SLC24A2: variants seen among roughly 807,000 people sequenced by gnomAD.
SLC24A2 encodes solute carrier family 24 member 2, also known as sodium/potassium/calcium exchanger 2.
Under a neutral mutation model 62.0 loss-of-function variants are expected in SLC24A2, and 36 were observed. The observed-to-expected ratio is 0.58, with a 90% CI of 0.44 to 0.77. SLC24A2 has a LOEUF of 0.77. SLC24A2 is among the 30% of genes least tolerant of loss of function. The probability of loss-of-function intolerance (pLI) is 0.00; values close to 1 mark genes in which losing one functional copy is unlikely to be tolerated. For synonymous variants in SLC24A2, 358 were observed against 294.0 expected (o/e 1.22, Z -2.23); for missense variants, 846 against 817.9 (o/e 1.03, Z -0.42).
intron 4 of SLC24A2, among the ~76,000 whole-genome samples, chr9:19,604,350 C>T (rs1389039664): frequency 6.6e-6 from 1 of 152,116 alleles, no homozygotes; most frequent in South Asian, 2.1e-4. Flanking sequence ...GAGTCCTCAG[C>T]ACACAAAAGA....
chr9:19,541,974 TG>T, intron 8 of SLC24A2, among the ~76,000 whole-genome samples: 1 of 152,314 alleles, frequency 6.6e-6, no homozygotes, highest in East Asian at 1.9e-4. Context: ...ATTTTCCAGG[TG>T]CCGTCTGTCA....
chr9:20,146,672 G>A, the SLC24A2 span, among the ~76,000 whole-genome samples: 1 of 152,000 alleles, frequency 6.6e-6, no homozygotes, highest in Admixed American at 6.6e-5. Context: ...TAGCCACCCT[G>A]TGGGGCCTGC....
chr9:20,289,173 C>A, the SLC24A2 span, among the ~76,000 whole-genome samples: 1 of 152,164 alleles, frequency 6.6e-6, no homozygotes, highest in Non-Finnish European at 1.5e-5. Flanking sequence ...GTTTAGGGGG[C>A]AGTTTGTGAT....
chr9:20,111,357 T>C, the SLC24A2 span, among the ~76,000 whole-genome samples: 4 of 152,290 alleles, frequency 2.6e-5, no homozygotes, highest in East Asian at 7.7e-4. Context: ...GTGTTAACTG[T>C]TCTCTCTCCT....
At chr9:19,969,831 A>T in the SLC24A2 span, among the ~76,000 whole-genome samples, 4 of 152,180 alleles carry the variant, frequency 2.6e-5, no homozygotes, top group Non-Finnish European at 4.4e-5. Context: ...ACAAAATCCA[A>T]TTGTTGAGAA....
the SLC24A2 span, among the ~76,000 whole-genome samples, chr9:19,870,850 G>A: frequency 6.6e-6 from 1 of 151,974 alleles, no homozygotes; most frequent in East Asian, 1.9e-4. Context: ...TTTAAATTGG[G>A]TTATTTTTTC....
chr9:20,202,577 C>T, the SLC24A2 span, among the ~76,000 whole-genome samples: 10 of 151,992 alleles, frequency 6.6e-5, no homozygotes, highest in African/African-American at 2.4e-4. Context: ...GAGTTGCCTA[C>T]AAATAGAAAG....
At chr9:19,712,733 C>T (rs1820749837) in intron 2 of SLC24A2, among the ~76,000 whole-genome samples, 1 of 152,098 alleles carries the variant, frequency 6.6e-6, no homozygotes, top group South Asian at 2.1e-4. Context: ...TCTTCTTATC[C>T]TGGAATGCTC....
chr9:20,218,006 C>G, the SLC24A2 span, among the ~76,000 whole-genome samples: 431 of 152,298 alleles, frequency 2.8e-3, 3 homozygotes, highest in African/African-American at 1.0e-2. Flanking sequence ...TGGCTTTAAG[C>G]AAGTTATTTG....
chr9:20,014,517 T>TATATATATATATATATATATACAC, the SLC24A2 span, among the ~76,000 whole-genome samples: 10 of 148,384 alleles, frequency 6.7e-5, no homozygotes, highest in African/African-American at 2.2e-4. Flanking sequence ...TATATATATA[T>TATATATATATATATATATATACAC]ACACACACAC....
chr9:20,113,584 C>A, the SLC24A2 span, among the ~76,000 whole-genome samples: 1 of 152,020 alleles, frequency 6.6e-6, no homozygotes, highest in South Asian at 2.1e-4. Flanking sequence ...TATAATTATT[C>A]TATATTGGTT....
At chr9:20,286,785 G>T in the SLC24A2 span, among the ~76,000 whole-genome samples, 1 of 152,178 alleles carries the variant, frequency 6.6e-6, no homozygotes, top group Non-Finnish European at 1.5e-5. Flanking sequence ...CACAAAACAG[G>T]ACTCTCCTGA....
intron 4 of SLC24A2, among the ~76,000 whole-genome samples, chr9:19,616,248 T>G (rs1372285334): frequency 2.0e-5 from 3 of 152,248 alleles, no homozygotes; most frequent in Admixed American, 6.5e-5. Context: ...ATTCCAAACC[T>G]GCATATGGCA....
intron 3 of SLC24A2, 61 bp from the exon 4 acceptor site, chr9:19,619,753 C>CTAGGTGAGGATCTTGTCTAT: frequency 1.6e-6 from 2 of 1,255,782 alleles, no homozygotes; most frequent in Non-Finnish European, 2.3e-6. Flanking sequence ...GCATTATAGA[C>CTAGGTGAGGATCTTGTCTAT]AAGATCCTCA....
chr9:20,120,324 G>A, the SLC24A2 span, among the ~76,000 whole-genome samples: 1 of 152,060 alleles, frequency 6.6e-6, no homozygotes, highest in South Asian at 2.1e-4. Context: ...ATAAATGGTG[G>A]CCTGGATAAA....
chr9:19,553,256 C>T (rs1168745666), intron 7 of SLC24A2, among the ~76,000 whole-genome samples: 1 of 152,186 alleles, frequency 6.6e-6, no homozygotes, highest in Non-Finnish European at 1.5e-5. Context: ...TTTGTTCAAA[C>T]TGGATGCTCC....
chr9:20,073,515 G>T, the SLC24A2 span, among the ~76,000 whole-genome samples: 1 of 152,098 alleles, frequency 6.6e-6, no homozygotes, highest in South Asian at 2.1e-4. Context: ...GAATTATACT[G>T]GGTGTGTACA....
intron 2 of SLC24A2, among the ~76,000 whole-genome samples, chr9:19,689,423 C>A (rs1014668505): frequency 1.3e-5 from 2 of 152,162 alleles, no homozygotes; most frequent in African/African-American, 4.8e-5. Context: ...AGGGGAGCTG[C>A]TGAAAGCATT....
the SLC24A2 span, among the ~76,000 whole-genome samples, chr9:20,042,334 G>C: frequency 6.6e-6 from 1 of 152,198 alleles, no homozygotes; most frequent in African/African-American, 2.4e-5. Flanking sequence ...ACACCCCTGA[G>C]GAACTCTGGA....
Sources: gnomAD v4.1 joint callset for allele counts (sites outside exome capture counted in the v4.1 genomes callset) on GRCh38, gnomAD v4.1.1 for gene constraint, MANE v1.5 for transcripts, NCBI Gene and HGNC (gene_info 2026-07-23, HGNC 2026-07-21) for gene names.